Variants in TXNRD1 observed in about 807,000 individuals in gnomAD.
TXNRD1 encodes thioredoxin reductase 1, also known as thioredoxin reductase 1, cytoplasmic.
A neutral mutation model predicts 80.3 loss-of-function variants in TXNRD1; 57 were observed. That is an observed-to-expected ratio of 0.71 (90% CI 0.57 to 0.89). The LOEUF is 0.89. TXNRD1 is among the 40% of genes least tolerant of loss of function. TXNRD1 has a pLI of 0.00. For missense variants in TXNRD1, 730 were observed against 803.0 expected (o/e 0.91, Z 1.10); for synonymous variants, 291 against 285.2 (o/e 1.02, Z -0.20).
chr12:104,264,653 A>G (rs1217161481), intron 3 of TXNRD1, among the ~76,000 whole-genome samples: 2 of 152,138 alleles, frequency 1.3e-5, no homozygotes, highest in Non-Finnish European at 1.5e-5. Flanking sequence ...AATATTTTAC[A>G]TGTTATATAA....
intron 4 of TXNRD1, among the ~76,000 whole-genome samples, chr12:104,299,493 G>A (rs1178967118): frequency 1.3e-5 from 2 of 151,966 alleles, no homozygotes. Flanking sequence ...AAACTGCCAG[G>A]CACAGTGGCT....
At chr12:104,217,779 C>A (rs553213867) in intron 1 of TXNRD1, among the ~76,000 whole-genome samples, 2 of 152,234 alleles carry the variant, frequency 1.3e-5, no homozygotes, top group Middle Eastern at 3.4e-3. Flanking sequence ...ATTCTACTTT[C>A]TGTTTCTGTG....
intron 3 of TXNRD1, chr12:104,286,760 A>T: frequency 4.9e-6 from 5 of 1,023,868 alleles, no homozygotes; most frequent in Non-Finnish European, 5.9e-6. Context: ...TTCAGTAAAA[A>T]CACACTTATT....
chr12:104,347,646 A>T (rs903011575), intron 16 of TXNRD1, among the ~76,000 whole-genome samples: 1 of 152,240 alleles, frequency 6.6e-6, no homozygotes, highest in Non-Finnish European at 1.5e-5. Context: ...TGCAAAGAGC[A>T]TATTGGCAAC....
intron 4 of TXNRD1, among the ~76,000 whole-genome samples, chr12:104,300,393 A>G (rs1286042263): frequency 2.0e-5 from 3 of 152,228 alleles, no homozygotes; most frequent in Admixed American, 6.5e-5. Context: ...ACTAGTCTAT[A>G]CTGCGGGAAT....
At chr12:104,255,593 G>T (rs1020120807) in intron 2 of TXNRD1, among the ~76,000 whole-genome samples, 10 of 152,258 alleles carry the variant, frequency 6.6e-5, no homozygotes, top group African/African-American at 2.4e-4. Flanking sequence ...GAGGTCAGGA[G>T]ACCAGCCTGA....
At chr12:104,323,570 GGGCGGGGGGCT>G (rs2035628428) in intron 10 of TXNRD1, among the ~76,000 whole-genome samples, 2 of 118,994 alleles carry the variant, frequency 1.7e-5, no homozygotes, top group African/African-American at 7.3e-5. Flanking sequence ...GCGGCTGGCC[GGGCGGGGGGCT>G]GACACCCCCA....
chr12:104,331,502 T>A (rs1277619478), intron 13 of TXNRD1, 32 bp from the exon 14 acceptor site: 1 of 1,407,320 alleles, frequency 7.1e-7, no homozygotes, highest in African/African-American at 1.4e-5. Context: ...TAACTTTGCC[T>A]ATTATAACTC....
intron 3 of TXNRD1, among the ~76,000 whole-genome samples, chr12:104,264,257 G>A (rs1200905874): frequency 6.6e-6 from 1 of 152,196 alleles, no homozygotes; most frequent in East Asian, 1.9e-4. Flanking sequence ...TATCTCTAAA[G>A]GCTGTAGGAT....
Position 104,229,567 on chromosome 12 carries a change from T to TATTTTATTTTATTTTA in TXNRD1, c.91+13675_91+13690dup, listed in dbSNP as rs1352038431. 6.7e-3 allele frequency among the ~76,000 whole-genome samples: 989 copies of TATTTTATTTTATTTTA among 146,770 alleles called. 15 individuals carry two copies. The highest frequency in any genetic ancestry group is 0.025 in the African/African-American group (949 of 38,428). ...TGCATTGTATGAATATACAACATTT[T>TATTTTATTTTATTTTA]ATTTTATTTTATTTTATTTTATTTT... On this transcript the variant is annotated intron_variant, in intron 1 of 16. Transcript: ENST00000525566.
intron 2 of TXNRD1, among the ~76,000 whole-genome samples, chr12:104,257,512 T>C (rs1214590987): frequency 6.6e-6 from 1 of 151,472 alleles, no homozygotes; most frequent in Non-Finnish European, 1.5e-5. Flanking sequence ...GTTCAAGTGA[T>C]TCTCCTGCCT....
chr12:104,324,753 A>G (rs182018054), intron 10 of TXNRD1, among the ~76,000 whole-genome samples: 2 of 152,280 alleles, frequency 1.3e-5, no homozygotes, highest in East Asian at 1.9e-4. Context: ...CTCAAGTATC[A>G]GGGCTTGCTC....
chr12:104,258,117 CTGTACATTTTATCTCA>C (rs751693141), intron 3 of TXNRD1, 38 bp downstream of exon 3: 14 of 1,410,042 alleles, frequency 9.9e-6, no homozygotes, highest in Non-Finnish European at 1.4e-5. Context: ...TAGCTGCTGA[CTGTACATTTTATCTCA>C]TTTATTCTAT....
intron 3 of TXNRD1, among the ~76,000 whole-genome samples, chr12:104,261,299 G>T (rs1032488055): frequency 6.6e-6 from 1 of 152,058 alleles, no homozygotes; most frequent in Non-Finnish European, 1.5e-5. Context: ...GAGTAGCTGG[G>T]ATCACAGGCA....
intron 4 of TXNRD1, among the ~76,000 whole-genome samples, chr12:104,299,288 T>A (rs2034536536): frequency 6.6e-6 from 1 of 151,872 alleles, no homozygotes; most frequent in Non-Finnish European, 1.5e-5. Context: ...GCTAAGATAA[T>A]ACTAATAGGT....
intron 4 of TXNRD1, among the ~76,000 whole-genome samples, chr12:104,305,748 C>T (rs1024307582): frequency 1.3e-5 from 2 of 152,204 alleles, no homozygotes; most frequent in African/African-American, 4.8e-5. Flanking sequence ...AACACAAGAT[C>T]TTGCTATCCA....
chr12:104,318,260 G>A (rs928157779), intron 7 of TXNRD1, among the ~76,000 whole-genome samples: 2 of 152,164 alleles, frequency 1.3e-5, no homozygotes, highest in African/African-American at 4.8e-5. Flanking sequence ...TAAGATATGG[G>A]AGTTTGGAGG....
intron 15 of TXNRD1, among the ~76,000 whole-genome samples, chr12:104,337,266 G>A (rs1003032516): frequency 1.3e-5 from 2 of 151,940 alleles, no homozygotes; most frequent in Non-Finnish European, 2.9e-5. Flanking sequence ...AGTACCATAT[G>A]CAATATATTA....
intron 15 of TXNRD1, among the ~76,000 whole-genome samples, chr12:104,338,583 G>C (rs1460495002): frequency 6.7e-6 from 1 of 148,728 alleles, no homozygotes; most frequent in Non-Finnish European, 1.5e-5. Flanking sequence ...TGTAGTCCCA[G>C]CTACTCGGGA....
Sources: allele counts gnomAD v4.1 joint callset (sites outside exome capture counted in the v4.1 genomes callset), GRCh38; gene constraint gnomAD v4.1.1; transcripts MANE v1.5; gene names NCBI Gene and HGNC (gene_info 2026-07-23, HGNC 2026-07-21).